Variants in RASA1 observed in about 807,000 individuals in gnomAD.
RASA1 encodes RAS p21 protein activator 1.
Under a neutral mutation model 132.2 loss-of-function variants are expected in RASA1, and 25 were observed. That is an observed-to-expected ratio of 0.19 (90% CI 0.14 to 0.26). The LOEUF is 0.26. Ranked by LOEUF, RASA1 falls within the 10% of genes least tolerant of loss-of-function variation. RASA1 has a pLI of 1.00. For missense variants in RASA1, 964 were observed against 1,299.2 expected, an observed-to-expected ratio of 0.74 and a Z score of 3.97; for synonymous variants, 477 against 449.9, an observed-to-expected ratio of 1.06 and a Z score of -0.76.
chr5:87,273,309 T>G (rs918148478), intron 1 of RASA1, among the ~76,000 whole-genome samples: 1 of 152,170 alleles, frequency 6.6e-6, no homozygotes, highest in African/African-American at 2.4e-5. Flanking sequence ...TTGAAAGTTT[T>G]GAGAAAATTA....
chr5:87,280,264 C>G (rs1754257601), intron 1 of RASA1, among the ~76,000 whole-genome samples: 1 of 152,178 alleles, frequency 6.6e-6, no homozygotes, highest in African/African-American at 2.4e-5. Flanking sequence ...TCCAGTCAAG[C>G]TGACACCTAA....
chr5:87,391,102 A>C lies in RASA1; in HGVS notation c.*219A>C. 1 of 625,328 alleles carries C rather than the reference A, an allele frequency of 1.6e-6. No homozygotes were observed. The highest frequency in any genetic ancestry group is 2.7e-5 in the East Asian group (1 of 36,516). 38.7% of individuals were successfully genotyped at this position (625,328 alleles called of 1,614,324 possible). A position where few individuals can be genotyped will look rare whatever the true frequency, so the allele number is the denominator to read the frequency against. The stretch of plus-strand genomic sequence containing the variant: ...GGATATTTGCACTATTTCCACATGG[A>C]ATCAATCTTTAACAACCTCTGAGCC... On this transcript the variant is annotated 3_prime_UTR_variant, in exon 25 of 25. Coordinates refer to ENST00000274376, the MANE Select transcript of RASA1 (RefSeq NM_002890.3).
At chr5:87,368,597 A>G (rs1206012491) in intron 11 of RASA1, among the ~76,000 whole-genome samples, 1 of 152,270 alleles carries the variant, frequency 6.6e-6, no homozygotes, top group East Asian at 1.9e-4. Context: ...AGGCTGTTCT[A>G]TTTCTGGTTT....
chr5:87,387,921 CCACA>C (rs545636700), intron 23 of RASA1, among the ~76,000 whole-genome samples: 201 of 152,158 alleles, frequency 1.3e-3, no homozygotes, highest in Admixed American at 2.2e-3. Flanking sequence ...AGAAGTTATG[CCACA>C]CAATCTAAGA....
chr5:87,317,979 G>C (rs1359877105), intron 1 of RASA1, among the ~76,000 whole-genome samples: 1 of 151,702 alleles, frequency 6.6e-6, no homozygotes, highest in Non-Finnish European at 1.5e-5. Context: ...ATTTTTTTTA[G>C]AGCTTTGCCT....
rs192040919 is a variant in RASA1 at position 87,373,080 on chromosome 5, G to T, written c.1776+885G>T. ...CTAATAAGAGCAAGTTGTATTTTGTGTGAAACTTGAGCCATTAAAATGACA... is the reference window on the plus strand; with the variant it reads ...CTAATAAGAGCAAGTTGTATTTTGTTTGAAACTTGAGCCATTAAAATGACA... On this transcript the variant is annotated intron_variant, in intron 13 of 24. Transcript: ENST00000274376. Among the ~76,000 whole-genome samples the T allele has an allele frequency of 5.9e-5, 9 of 152,226 alleles. No homozygotes were observed. In the East Asian group the frequency reaches 1.5e-3, roughly 26 times the overall value.
chr5:87,361,098 T>C (rs1284317191), intron 9 of RASA1, among the ~76,000 whole-genome samples: 1 of 152,208 alleles, frequency 6.6e-6, no homozygotes, highest in Admixed American at 6.6e-5. Context: ...GGCCAGCGGT[T>C]GGCAAAAGTT....
intron 1 of RASA1, among the ~76,000 whole-genome samples, chr5:87,311,169 A>C (rs1248164735): frequency 6.6e-6 from 1 of 152,210 alleles, no homozygotes; most frequent in African/African-American, 2.4e-5. Context: ...TTTACTTTGA[A>C]AAATAGCTGA....
intron 1 of RASA1, among the ~76,000 whole-genome samples, chr5:87,296,689 G>GT (rs1340310904): frequency 6.6e-6 from 1 of 151,934 alleles, no homozygotes; most frequent in Non-Finnish European, 1.5e-5. Flanking sequence ...TAGGCAAGGT[G>GT]TTTTTTGCCT....
In RASA1 at chr5:87,333,347, A is replaced by G. The variant is rs545348240; in HGVS notation, c.899+10A>G. On this transcript the variant is annotated intron_variant, in intron 4 of 24. Coordinates refer to ENST00000274376, the MANE Select transcript of RASA1 (RefSeq NM_002890.3). The stretch of plus-strand genomic sequence containing the variant: ...ACACTGATGAAATAAGGTATTTTAT[A>G]ATCTATTCTCATGTATAGGCATTTG... The G allele has an allele frequency of 5.0e-6, 8 of 1,612,856 alleles. No individual in the cohort carries two copies. In the African/African-American group the frequency reaches 9.3e-5, roughly 19 times the overall value.
intron 21 of RASA1, among the ~76,000 whole-genome samples, chr5:87,384,077 T>TGCAGCTTGGCTTTTTCAAGTTGG (rs1761909727): frequency 6.6e-6 from 1 of 152,166 alleles, no homozygotes; most frequent in Non-Finnish European, 1.5e-5. Context: ...TCTTGTAGTC[T>TGCAGCTTGGCTTTTTCAAGTTGG]GCAGCTTGGC....
chr5:87,285,953 AGTTATCTAGATTGTTCTATTCTACCTC>A (rs1313225302), intron 1 of RASA1, among the ~76,000 whole-genome samples: 4 of 151,384 alleles, frequency 2.6e-5, no homozygotes, highest in Non-Finnish European at 5.9e-5. Flanking sequence ...CACTCTAACC[AGTTATCTAGATTGTTCTATTCTACCTC>A]CGAAATAGAT....
Position 87,376,547 on chromosome 5 carries a change from G to T in RASA1, c.2166G>T (p.Glu722Asp). 1 of 1,613,862 alleles carries T rather than the reference G, an allele frequency of 6.2e-7. No individual in the cohort carries two copies. The highest frequency in any genetic ancestry group is 8.5e-7 in the Non-Finnish European group (1 of 1,179,834). ...YSMEKIMPEE[E>D]YSEFKELILQ... The stretch of plus-strand genomic sequence containing the variant: ...TGGAAAAAATCATGCCAGAAGAAGA[G>T]TACAGTGAATTTAAAGAGGTATTAA... Residue 722 changes from glutamate (E) to aspartate (D), a missense_variant, in exon 16 of 25, where the codon GAG becomes GAT. By Grantham distance (45) the Glu-to-Asp change is conservative. Coordinates refer to ENST00000274376, the MANE Select transcript of RASA1 (RefSeq NM_002890.3).
chr5:87,375,347 G>T (rs1252257148), intron 15 of RASA1, among the ~76,000 whole-genome samples: 1 of 147,546 alleles, frequency 6.8e-6, no homozygotes, highest in Admixed American at 6.7e-5. Flanking sequence ...TGCAACCTCC[G>T]CCTCCCAGGT....
At chr5:87,386,505 G>T (rs997276344) in intron 22 of RASA1, among the ~76,000 whole-genome samples, 2 of 151,958 alleles carry the variant, frequency 1.3e-5, no homozygotes, top group African/African-American at 4.8e-5. Context: ...ATTTGTGTCT[G>T]CCAGGCTATG....
chr5:87,373,054 G>T (rs1052856177), intron 13 of RASA1, among the ~76,000 whole-genome samples: 1 of 151,980 alleles, frequency 6.6e-6, no homozygotes, highest in Non-Finnish European at 1.5e-5. Context: ...TTGGATTTTT[G>T]CTAATAAGAG....
chr5:87,308,273 C>T (rs1159810786), intron 1 of RASA1, among the ~76,000 whole-genome samples: 1 of 151,806 alleles, frequency 6.6e-6, no homozygotes, highest in Non-Finnish European at 1.5e-5. Context: ...CCACAATATG[C>T]AAATAAATAG....
At chr5:87,331,596 A>G in intron 2 of RASA1, 96 bp downstream of exon 2, 2 of 1,338,560 alleles carry the variant, frequency 1.5e-6, no homozygotes, top group Admixed American at 1.7e-5. Flanking sequence ...TGACTCAGTA[A>G]CAAATAATAG....
At chr5:87,377,333 CTT>C (rs1463636242) in intron 17 of RASA1, among the ~76,000 whole-genome samples, 5 of 151,958 alleles carry the variant, frequency 3.3e-5, no homozygotes, top group Non-Finnish European at 7.4e-5. Flanking sequence ...TCTGTATTCT[CTT>C]GTTTTTTATT....
Sources: allele counts gnomAD v4.1 joint callset (sites outside exome capture counted in the v4.1 genomes callset), GRCh38; gene constraint gnomAD v4.1.1; transcripts MANE v1.5; gene names NCBI Gene and HGNC (gene_info 2026-07-23, HGNC 2026-07-21).